Variants in SYT9 observed in about 807,000 individuals in gnomAD.
SYT9 encodes the protein synaptotagmin-9.
SYT9 carries 22 observed loss-of-function variants against 48.4 expected under a neutral mutation model. That is an observed-to-expected ratio of 0.45 (90% CI 0.32 to 0.65). The LOEUF (loss-of-function observed/expected upper bound fraction) is 0.65. SYT9 is among the 30% of genes least tolerant of loss of function. The pLI is 0.03. For synonymous variants in SYT9, 265 were observed against 245.0 expected, an observed-to-expected ratio of 1.08 and a Z score of -0.76; for missense variants, 577 against 622.0, an observed-to-expected ratio of 0.93 and a Z score of 0.77.
At chr11:7,328,412 A>C (rs939765701) in intron 3 of SYT9, among the ~76,000 whole-genome samples, 5 of 152,118 alleles carry the variant, frequency 3.3e-5, no homozygotes, top group Non-Finnish European at 2.9e-5. Context: ...TATAAGATAC[A>C]ACCTCTGTTT....
chr11:7,315,415 A>C (rs1849225030), intron 3 of SYT9, among the ~76,000 whole-genome samples: 1 of 152,192 alleles, frequency 6.6e-6, no homozygotes. Context: ...GTATTTACTA[A>C]GTCTCCCTGG....
At chr11:7,270,412 C>G (rs182918633) in intron 1 of SYT9, among the ~76,000 whole-genome samples, 3 of 152,034 alleles carry the variant, frequency 2.0e-5, no homozygotes, top group Admixed American at 1.3e-4. Flanking sequence ...GCTTTCAGAT[C>G]GATAAGAAGA....
At chr11:7,312,362 C>G (rs1849153103) in intron 2 of SYT9, among the ~76,000 whole-genome samples, 1 of 152,148 alleles carries the variant, frequency 6.6e-6, no homozygotes, top group African/African-American at 2.4e-5. Flanking sequence ...AAGAGACATC[C>G]CAGCTGTTCT....
At chr11:7,346,639 TA>T (rs1285823420) in intron 3 of SYT9, among the ~76,000 whole-genome samples, 1 of 152,238 alleles carries the variant, frequency 6.6e-6, no homozygotes, top group Non-Finnish European at 1.5e-5. Context: ...TGATTTCTTT[TA>T]TAGTAACTAC....
intron 3 of SYT9, among the ~76,000 whole-genome samples, chr11:7,415,124 G>A (rs1278890114): frequency 6.6e-6 from 1 of 152,068 alleles, no homozygotes; most frequent in African/African-American, 2.4e-5. Flanking sequence ...GTCTTTAGAG[G>A]CACGCCAGCA....
chr11:7,308,893 C>T (rs1849080769), intron 2 of SYT9, among the ~76,000 whole-genome samples: 1 of 152,134 alleles, frequency 6.6e-6, no homozygotes, highest in Non-Finnish European at 1.5e-5. Flanking sequence ...AGGGACTAAC[C>T]TAGAGCTGGG....
At chr11:7,274,785 A>G (rs968425102) in intron 1 of SYT9, among the ~76,000 whole-genome samples, 2 of 152,194 alleles carry the variant, frequency 1.3e-5, no homozygotes, top group Non-Finnish European at 2.9e-5. Context: ...TATAGTATAG[A>G]TGGAAGAATG....
Position 7,261,969 on chromosome 11 carries a change from A to G in SYT9, c.145+9638A>G, listed in dbSNP as rs549922671. Among the ~76,000 whole-genome samples the G allele has an allele frequency of 2.6e-5, 4 of 152,292 alleles. No homozygotes were observed. In the South Asian group the frequency reaches 8.3e-4, roughly 32 times the overall value. Reference sequence around the variant, plus strand: ...AAGAGAGATAACATCTGACTTAGGAAGAGAAAGGATCACTCTGACCAGCAC... The same window carrying G: ...AAGAGAGATAACATCTGACTTAGGAGGAGAAAGGATCACTCTGACCAGCAC... On this transcript the variant is annotated intron_variant, in intron 1 of 6. Transcript: ENST00000318881.
intron 3 of SYT9, among the ~76,000 whole-genome samples, chr11:7,377,152 T>C (rs1850469367): frequency 6.6e-6 from 1 of 151,236 alleles, no homozygotes; most frequent in Non-Finnish European, 1.5e-5. Context: ...ACTACTGCTA[T>C]TCATCCATTG....
At chr11:7,294,190 G>T (rs999860484) in intron 1 of SYT9, among the ~76,000 whole-genome samples, 2 of 152,048 alleles carry the variant, frequency 1.3e-5, no homozygotes, top group Admixed American at 6.6e-5. Context: ...TCTCCCAAAG[G>T]CTCCACCTCC....
At chr11:7,337,438 G>A (rs1040154902) in intron 3 of SYT9, among the ~76,000 whole-genome samples, 4 of 152,112 alleles carry the variant, frequency 2.6e-5, no homozygotes, top group Non-Finnish European at 5.9e-5. Flanking sequence ...TTCATGTCTT[G>A]TGCCAGTTTT....
At chr11:7,439,766 C>T (rs1847792574) in intron 6 of SYT9, 1 of 152,272 alleles carries the variant, frequency 6.6e-6, no homozygotes, top group Non-Finnish European at 1.5e-5. Flanking sequence ...GCATGTACAA[C>T]TTCACCCCTA....
chr11:7,277,465 T>A (rs960647), intron 1 of SYT9, among the ~76,000 whole-genome samples: 41,295 of 152,114 alleles, frequency 0.27, 6,029 homozygotes, highest in South Asian at 0.41. Context: ...CTTAACAAAA[T>A]CTAAACAGAA....
rs1282034269 is a variant in SYT9, at chr11:7,313,911, C to G, written c.1014C>G (p.Ile338Met). ...TGGCTGATTTCCCCAGGGAGTGCAT[C>G]CTTTGGAAGGATATCGAATATGTCA... is the stretch of plus-strand genomic sequence containing the variant. ...LDLADFPREC[I>M]LWKDIEYVTN... is the part of the protein sequence containing the mutation. The change falls in exon 3 of 7, where the codon ATC (isoleucine) becomes ATG (methionine). Residue 338 changes from isoleucine to methionine, a missense_variant. Ile to Met is a conservative substitution (Grantham distance 10, BLOSUM62 1). Transcript: ENST00000318881. The G allele has an allele frequency of 6.2e-7, 1 of 1,613,496 alleles. No homozygotes were observed. The highest frequency in any genetic ancestry group is 1.3e-5 in the African/African-American group (1 of 75,026).
chr11:7,297,238 AAT>A (rs371004559), intron 1 of SYT9, among the ~76,000 whole-genome samples: 132 of 152,274 alleles, frequency 8.7e-4, no homozygotes, highest in African/African-American at 3.0e-3. Context: ...TGCCTACCAA[AAT>A]ATGTTTTATT....
intron 3 of SYT9, among the ~76,000 whole-genome samples, chr11:7,361,132 A>C (rs1850128166): frequency 6.6e-6 from 1 of 151,310 alleles, no homozygotes; most frequent in Non-Finnish European, 1.5e-5. Context: ...TTTTGGTATT[A>C]TATTTTTTCT....
intron 3 of SYT9, among the ~76,000 whole-genome samples, chr11:7,315,069 G>T (rs1368115945): frequency 6.6e-6 from 1 of 152,212 alleles, no homozygotes; most frequent in Non-Finnish European, 1.5e-5. Flanking sequence ...TGCCAACTTT[G>T]TGCTGCTATC....
chr11:7,311,855 C>T (rs1424975132), intron 2 of SYT9, among the ~76,000 whole-genome samples: 1 of 152,190 alleles, frequency 6.6e-6, no homozygotes, highest in African/African-American at 2.4e-5. Flanking sequence ...ATTGGTTCCA[C>T]TTCTGGACAA....
chr11:7,424,704 TTATCCTATAGGCA>T (rs1191905552), intron 6 of SYT9, among the ~76,000 whole-genome samples: 3 of 152,204 alleles, frequency 2.0e-5, no homozygotes, highest in Admixed American at 1.3e-4. Context: ...ATCAGCACTA[TTATCCTATAGGCA>T]TAGGTGTAGG....
Sources: gnomAD v4.1 joint callset for allele counts (sites outside exome capture counted in the v4.1 genomes callset) on GRCh38, gnomAD v4.1.1 for gene constraint, MANE v1.5 for transcripts, NCBI Gene and HGNC (gene_info 2026-07-23, HGNC 2026-07-21) for gene names.